Variants in TGFB2 observed in about 807,000 individuals in gnomAD.
TGFB2 encodes the protein transforming growth factor beta-2 proprotein.
TGFB2 carries 13 observed loss-of-function variants against 42.7 expected under a neutral mutation model. The observed-to-expected ratio is 0.30, with a 90% CI of 0.20 to 0.48. The LOEUF is 0.48. Ranked by LOEUF, TGFB2 falls within the 20% of genes least tolerant of loss-of-function variation. TGFB2 has a pLI of 0.99. For missense variants in TGFB2, 390 were observed against 517.5 expected (o/e 0.75, Z 2.39); for synonymous variants, 193 against 193.6 (o/e 1.00, Z 0.03).
rs115897648 is a variant in TGFB2 at position 218,395,428 on chromosome 1, C to T, written c.347-9741C>T. On this transcript the variant is annotated intron_variant, in intron 1 of 6. Transcript: ENST00000366930. ...TTTTATTTGTATTTTGTTGCCACCA[C>T]GCTCCATTGCATGTGTTGGTGTTTC... 6.0e-3 allele frequency among the ~76,000 whole-genome samples: 918 copies of T among 152,286 alleles called. 6 individuals carry two copies. The highest frequency in any genetic ancestry group is 0.01 in the African/African-American group (420 of 41,568).
At chr1:218,415,699 G>GAAAAAA (rs1174137652) in intron 2 of TGFB2, among the ~76,000 whole-genome samples, 4 of 61,658 alleles carry the variant, frequency 6.5e-5, no homozygotes, top group Non-Finnish European at 7.3e-5. Context: ...TGTCTCAAAA[G>GAAAAAA]AAAAAAAAAA....
In TGFB2 at chr1:218,346,530, C is replaced by A. The variant is rs1401102274; in HGVS notation, c.-172C>A. The A allele has an allele frequency of 5.3e-6, 3 of 564,830 alleles. No individual in the cohort carries two copies. The highest frequency in any genetic ancestry group is 9.0e-6 in the Non-Finnish European group (3 of 332,978). 35.0% of individuals were successfully genotyped at this position (564,830 alleles called of 1,614,324 possible). ...CCTTTTCTTTTTAAAGGAATTCAAG[C>A]AGGATACGTTTTTCTGTTGGGCATT... On this transcript the variant is annotated 5_prime_UTR_variant, in exon 1 of 7. Coordinates refer to ENST00000366930, the MANE Select transcript of TGFB2 (RefSeq NM_003238.6). This position sits in a 1 kb window ranked among gnomAD's most constrained non-coding sequence, Gnocchi z 4.9.
chr1:218,410,775 T>C (rs913391790), intron 2 of TGFB2, among the ~76,000 whole-genome samples: 1 of 152,232 alleles, frequency 6.6e-6, no homozygotes, highest in Non-Finnish European at 1.5e-5. Context: ...TTGTTATAGC[T>C]CTCAGCCCAT....
At chr1:218,435,876 C>A in intron 4 of TGFB2, 94 bp from the exon 5 acceptor site, 1 of 1,270,590 alleles carries the variant, frequency 7.9e-7, no homozygotes, top group Non-Finnish European at 1.1e-6. Context: ...GTCATCACTG[C>A]TATTTGTGAC....
chr1:218,437,368 C>A lies in TGFB2; in HGVS notation c.958C>A (p.Arg320Ser). ...AAATGTGCAGGATAATTGCTGCCTACGTCCACTTTACATTGATTTCAAGAG... is the reference window on the plus strand; with the variant it reads ...AAATGTGCAGGATAATTGCTGCCTAAGTCCACTTTACATTGATTTCAAGAG... The part of the protein sequence containing the change: ...FRNVQDNCCL[R>S]PLYIDFKRDL... The change falls in exon 6 of 7, where the codon CGT becomes AGT. Residue 320 changes from arginine (R) to serine (S), a missense_variant. By Grantham distance (110) the Arg-to-Ser change is moderately radical. Coordinates refer to ENST00000366930, the MANE Select transcript of TGFB2 (RefSeq NM_003238.6). 6.2e-7 allele frequency: 1 copy of A among 1,604,062 alleles called. No individual in the cohort carries two copies. The highest frequency in any genetic ancestry group is 8.5e-7 in the Non-Finnish European group (1 of 1,176,328).
chr1:218,361,197 G>A (rs1558227201), intron 1 of TGFB2, among the ~76,000 whole-genome samples: 1 of 152,152 alleles, frequency 6.6e-6, no homozygotes, highest in African/African-American at 2.4e-5. Flanking sequence ...TCTGTAGACT[G>A]AACAATCATT....
At position 218,394,560 on chromosome 1, in the gene TGFB2, C is replaced by G. The variant is rs145808609; in HGVS notation, c.347-10609C>G. 1.1e-4 allele frequency among the ~76,000 whole-genome samples: 17 copies of G among 152,178 alleles called. 1 individual carries two copies. In the East Asian group the frequency reaches 3.1e-3, roughly 28 times the overall value. ...AATAGCAGTTAGATGAAGGCCAAGT[C>G]ACGTAAGCTGATGCCGACACAATTA... On this transcript the variant is annotated intron_variant, in intron 1 of 6. Transcript: ENST00000366930.
intron 1 of TGFB2, among the ~76,000 whole-genome samples, chr1:218,400,972 T>C (rs1658696806): frequency 6.6e-6 from 1 of 152,118 alleles, no homozygotes; most frequent in African/African-American, 2.4e-5. Flanking sequence ...CAGCCCTCTG[T>C]GCATGCTCCA....
chr1:218,355,272 A>C (rs1295345697), intron 1 of TGFB2, among the ~76,000 whole-genome samples: 5 of 152,196 alleles, frequency 3.3e-5, no homozygotes, highest in African/African-American at 1.2e-4. Flanking sequence ...GGGCATTCCT[A>C]TTTCAGAGAA....
At chr1:218,388,762 TCTCAGCA>T (rs1658221183) in intron 1 of TGFB2, among the ~76,000 whole-genome samples, 1 of 152,218 alleles carries the variant, frequency 6.6e-6, no homozygotes, top group Admixed American at 6.5e-5. Flanking sequence ...ATACTTCCGC[TCTCAGCA>T]CTAGTAATAA....
intron 1 of TGFB2, among the ~76,000 whole-genome samples, chr1:218,404,396 C>G (rs753164941): frequency 6.6e-6 from 1 of 152,184 alleles, no homozygotes; most frequent in African/African-American, 2.4e-5. Context: ...GAATTACAGG[C>G]GTGACCCACT....
chr1:218,436,759 T>A (rs1397471992), intron 5 of TGFB2, among the ~76,000 whole-genome samples: 1 of 152,222 alleles, frequency 6.6e-6, no homozygotes, highest in Non-Finnish European at 1.5e-5. Flanking sequence ...ACTGATGAAG[T>A]GCTCAAAATG....
In TGFB2 at chr1:218,436,036, A is replaced by C. The variant is rs559315266; in HGVS notation, c.821A>C (p.Asn274Thr). 13 of 1,614,166 alleles carry C rather than the reference A, an allele frequency of 8.1e-6. 1 individual carries two copies. The highest frequency in any genetic ancestry group is 2.7e-5 in the African/African-American group (2 of 75,062). Reference sequence around the variant, plus strand: ...ACTATAAAGTCCACTAGGAAAAAAAACAGTGGGAAGACCCCACATCTCCTG... The same window carrying C: ...ACTATAAAGTCCACTAGGAAAAAAACCAGTGGGAAGACCCCACATCTCCTG... ...QKTIKSTRKK[N>T]SGKTPHLLLM... The change falls in exon 5 of 7, where the codon AAC becomes ACC. Residue 274 changes from asparagine to threonine, a missense_variant. Transcript: ENST00000366930.
At chr1:218,421,380 T>G (rs1285157149) in intron 2 of TGFB2, among the ~76,000 whole-genome samples, 1 of 151,204 alleles carries the variant, frequency 6.6e-6, no homozygotes, top group South Asian at 2.1e-4. Flanking sequence ...GCAGTTTTTT[T>G]TTTTTTTTAT....
intron 2 of TGFB2, among the ~76,000 whole-genome samples, chr1:218,431,043 T>A (rs953352248): frequency 5.3e-5 from 8 of 152,218 alleles, no homozygotes; most frequent in African/African-American, 1.9e-4. Context: ...AACAAGTGGG[T>A]TAAGAACTCT....
intron 1 of TGFB2, among the ~76,000 whole-genome samples, chr1:218,404,371 C>T (rs1363368613): frequency 6.6e-6 from 1 of 152,186 alleles, no homozygotes; most frequent in East Asian, 1.9e-4. Flanking sequence ...ACCTCAGCCT[C>T]CCAAAGTGTT....
chr1:218,394,595 T>C (rs905626325), intron 1 of TGFB2, among the ~76,000 whole-genome samples: 1 of 152,114 alleles, frequency 6.6e-6, no homozygotes, highest in Non-Finnish European at 1.5e-5. Context: ...AGACTCACCA[T>C]TGCCAACAGC....
intron 2 of TGFB2, among the ~76,000 whole-genome samples, chr1:218,407,715 G>T (rs1658959677): frequency 6.6e-6 from 1 of 152,146 alleles, no homozygotes; most frequent in Admixed American, 6.6e-5. Flanking sequence ...CTTGGCCAGG[G>T]TCACACAGGT....
intron 1 of TGFB2, among the ~76,000 whole-genome samples, chr1:218,349,429 A>G (rs536513979): frequency 1.3e-5 from 2 of 152,338 alleles, no homozygotes; most frequent in African/African-American, 4.8e-5. Context: ...CCTCTTTAGG[A>G]CTTTTCTGCC....
Sources: gnomAD v4.1 joint callset for allele counts (sites outside exome capture counted in the v4.1 genomes callset) on GRCh38, gnomAD v4.1.1 for gene constraint, Gnocchi (gnomAD v3.1) non-coding constraint, MANE v1.5 for transcripts, NCBI Gene and HGNC (gene_info 2026-07-23, HGNC 2026-07-21) for gene names.